MACROD1: variants seen among roughly 807,000 people sequenced by gnomAD.
MACROD1 encodes the protein mono-ADP ribosylhydrolase 1.
A neutral mutation model predicts 41.4 loss-of-function variants in MACROD1; 31 were observed. The observed-to-expected ratio is 0.75, with a 90% CI of 0.56 to 1.01. The LOEUF is 1.01. Ranked by LOEUF, MACROD1 falls within the 50% of genes least tolerant of loss-of-function variation. The pLI is 0.00. For missense variants in MACROD1, 473 were observed against 460.0 expected (o/e 1.03, Z -0.26); for synonymous variants, 252 against 203.4 (o/e 1.24, Z -2.03).
chr11:64,006,291 G>A (rs970920846), intron 4 of MACROD1, among the ~76,000 whole-genome samples: 6 of 152,172 alleles, frequency 3.9e-5, no homozygotes, highest in Admixed American at 2.0e-4. Context: ...TCCCATTGCC[G>A]GAACCATCTT....
intron 3 of MACROD1, among the ~76,000 whole-genome samples, chr11:64,041,305 C>G (rs1247081571): frequency 6.8e-6 from 1 of 146,084 alleles, no homozygotes; most frequent in Non-Finnish European, 1.5e-5. Context: ...TCTCCAGAAG[C>G]AAATTGCTCT....
intron 4 of MACROD1, among the ~76,000 whole-genome samples, chr11:64,014,746 G>C (rs183312123): frequency 6.3e-4 from 96 of 152,332 alleles, no homozygotes; most frequent in Non-Finnish European, 8.8e-4. Flanking sequence ...CCTCCTGCCT[G>C]CCTGGCCCTT....
At chr11:64,149,142 G>T in intron 3 of MACROD1, 1 of 450,328 alleles carries the variant, frequency 2.2e-6, no homozygotes. Flanking sequence ...ATGTCCCTCG[G>T]CACCGCTGGG....
At chr11:64,056,343 C>T (rs1943785358) in intron 3 of MACROD1, among the ~76,000 whole-genome samples, 1 of 152,168 alleles carries the variant, frequency 6.6e-6, no homozygotes, top group Non-Finnish European at 1.5e-5. Context: ...CCCCGCCACT[C>T]CCCGCCCAGG....
intron 3 of MACROD1, among the ~76,000 whole-genome samples, chr11:64,019,594 G>A (rs1943126707): frequency 1.3e-5 from 2 of 152,198 alleles, no homozygotes; most frequent in African/African-American, 2.4e-5. Flanking sequence ...GGTGGCACCC[G>A]GCCCCTCCTC....
chr11:64,134,252 A>G (rs1035976641), intron 3 of MACROD1, among the ~76,000 whole-genome samples: 1 of 152,178 alleles, frequency 6.6e-6, no homozygotes, highest in Non-Finnish European at 1.5e-5. Context: ...CCCCATGTCC[A>G]TCACAGTCAT....
In MACROD1 at chr11:64,120,224, G is replaced by A. The variant is rs886607933; in HGVS notation, c.517+31015C>T. On this transcript the variant is annotated intron_variant, in intron 3 of 10. Coordinates refer to ENST00000255681, the MANE Select transcript of MACROD1 (RefSeq NM_014067.4). The surrounding 1 kb of genome is among the most constrained non-coding windows in gnomAD (Gnocchi z 4.5). ...ACAGGCTCCCAGCACGGCCTGGGGG[G>A]GCTAGCCCACGAAATAGGTCCACTC... Among the ~76,000 whole-genome samples, 5 of 152,174 alleles carry A rather than the reference G, an allele frequency of 3.3e-5. No individual in the cohort carries two copies. Among genetic ancestry groups the A allele is most frequent in the Non-Finnish European group, 7.3e-5 (5 of 68,028 alleles).
At chr11:64,028,491 G>A (rs927527919) in intron 3 of MACROD1, among the ~76,000 whole-genome samples, 1 of 152,220 alleles carries the variant, frequency 6.6e-6, no homozygotes, top group Non-Finnish European at 1.5e-5. Flanking sequence ...CGGAAGGAAG[G>A]AGCAGGAGGC....
At position 64,000,319 on chromosome 11, in the gene MACROD1, G is replaced by C. The variant is rs1445509568; in HGVS notation, c.572C>G (p.Ala191Gly). The C allele has an allele frequency of 6.3e-7, 1 of 1,588,930 alleles. No homozygotes were observed. Residue 191 changes from alanine to glycine, a missense_variant, in exon 5 of 11, where the codon GCC becomes GGC. Coordinates refer to ENST00000255681, the MANE Select transcript of MACROD1 (RefSeq NM_014067.4). Reference sequence around the variant, plus strand: ...GCACTCGTCGGTAAGCAGGGGGCCGGCGGCCCGATGAATGCAGCCGTCCAC... The same window carrying C: ...GCACTCGTCGGTAAGCAGGGGGCCGCCGGCCCGATGAATGCAGCCGTCCAC... ...GGVDGCIHRA[A>G]GPLLTDECRT...
chr11:64,016,296 C>T (rs1590802969), intron 3 of MACROD1, among the ~76,000 whole-genome samples: 2 of 152,368 alleles, frequency 1.3e-5, no homozygotes, highest in South Asian at 2.1e-4. Flanking sequence ...AGCCTGCGTC[C>T]GTGGTAACTG....
intron 3 of MACROD1, among the ~76,000 whole-genome samples, chr11:64,130,265 C>A (rs1945246699): frequency 6.6e-6 from 1 of 152,218 alleles, no homozygotes; most frequent in South Asian, 2.1e-4. Flanking sequence ...TCCCGGGGCT[C>A]CGGCTTTGTG....
chr11:64,095,851 G>A (rs978849974), intron 3 of MACROD1, among the ~76,000 whole-genome samples: 6 of 152,218 alleles, frequency 3.9e-5, no homozygotes, highest in African/African-American at 2.4e-5. Flanking sequence ...ATGGAGGAGC[G>A]CGAGGCTGAG....
chr11:64,132,051 C>T (rs1945273612), intron 3 of MACROD1, among the ~76,000 whole-genome samples: 1 of 152,196 alleles, frequency 6.6e-6, no homozygotes, highest in South Asian at 2.1e-4. Flanking sequence ...GGTCTCTGCA[C>T]CTTCCCCTGC....
At chr11:64,005,284 T>C (rs1379647226) in intron 4 of MACROD1, among the ~76,000 whole-genome samples, 5 of 152,170 alleles carry the variant, frequency 3.3e-5, no homozygotes, top group Non-Finnish European at 7.3e-5. Flanking sequence ...CGCCTCGGCC[T>C]CCCAAAGTGC....
At chr11:64,149,094 C>G in intron 3 of MACROD1, 2 of 875,950 alleles carry the variant, frequency 2.3e-6, no homozygotes, top group South Asian at 1.0e-4. Context: ...CTGAGGCAAG[C>G]AGGGGGAGGT....
At chr11:64,065,522 G>T (rs1943982711) in intron 3 of MACROD1, among the ~76,000 whole-genome samples, 1 of 152,192 alleles carries the variant, frequency 6.6e-6, no homozygotes, top group East Asian at 1.9e-4. Flanking sequence ...AGGCGCGGTG[G>T]CTCATGCCTG....
rs1202997867 is a variant in MACROD1, at chr11:64,096,163, G to A, written c.517+55076C>T. ...CAGGAGGGGACCAGGGCTGCCCGCC[G>A]GCTCCACCACCTGCCTTGGCCAAGG... is the stretch of plus-strand genomic sequence containing the variant. On this transcript the variant is annotated intron_variant, in intron 3 of 10. Coordinates refer to ENST00000255681, the MANE Select transcript of MACROD1 (RefSeq NM_014067.4). The surrounding 1 kb of genome is among the most constrained non-coding windows in gnomAD (Gnocchi z 4.6). Among the ~76,000 whole-genome samples, 5 of 152,396 alleles carry A rather than the reference G, an allele frequency of 3.3e-5. 1 individual carries two copies. The South Asian group carries it at 6.2e-4, about 19-fold the overall frequency.
At chr11:64,123,205 G>A (rs1191712733) in intron 3 of MACROD1, among the ~76,000 whole-genome samples, 1 of 152,214 alleles carries the variant, frequency 6.6e-6, no homozygotes, top group East Asian at 1.9e-4. Flanking sequence ...GGTCAGTGAC[G>A]GGCGTCCGCG....
At chr11:63,999,193 C>A (rs1269287946) in intron 8 of MACROD1, 138 bp downstream of exon 8, 3 of 1,351,484 alleles carry the variant, frequency 2.2e-6, no homozygotes, top group South Asian at 1.3e-5. Flanking sequence ...CACCGCCAGG[C>A]GCCCTTGCGC....
Sources: allele counts gnomAD v4.1 joint callset (sites outside exome capture counted in the v4.1 genomes callset), GRCh38; gene constraint gnomAD v4.1.1; non-coding constraint Gnocchi (gnomAD v3.1); transcripts MANE v1.5; gene names NCBI Gene and HGNC (gene_info 2026-07-23, HGNC 2026-07-21).